The following RGS4 variants were observed in gnomAD, a reference collection of about 807,000 sequenced individuals.
RGS4 encodes the protein regulator of G protein signaling 4.
Under a neutral mutation model 21.6 loss-of-function variants are expected in RGS4, and 15 were observed. The observed-to-expected ratio is 0.69, with a 90% CI of 0.46 to 1.07. RGS4 has a LOEUF of 1.07. Among genes scored for constraint, RGS4 ranks in the 50% least tolerant of loss-of-function variants. The pLI is 0.00. For synonymous variants in RGS4, 94 were observed against 85.5 expected (o/e 1.10, Z -0.55); for missense variants, 237 against 239.0 (o/e 0.99, Z 0.06).
At chr1:163,070,944 G>C (rs1350363599) in intron 1 of RGS4, among the ~76,000 whole-genome samples, 1 of 152,100 alleles carries the variant, frequency 6.6e-6, no homozygotes, top group Non-Finnish European at 1.5e-5. Flanking sequence ...GGTGAGTTAG[G>C]ACCAAATCTA....
rs41271995 is a variant in RGS4 at position 163,074,991 on chromosome 1, T to C, written c.*431T>C. ...GTTTAGATGAGGTTGAGCTATGATATGTGCTTGTGTGTATGTCTATGTGTA... is the reference window on the plus strand; with the variant it reads ...GTTTAGATGAGGTTGAGCTATGATACGTGCTTGTGTGTATGTCTATGTGTA... On this transcript the variant is annotated 3_prime_UTR_variant, in exon 5 of 5. Transcript: ENST00000367909. 52 of 422,084 alleles carry C rather than the reference T, an allele frequency of 1.2e-4. No homozygotes were observed. Among genetic ancestry groups the C allele is most frequent in the Non-Finnish European group, 9.9e-5 (23 of 232,368 alleles). 26.1% of individuals were successfully genotyped at this position (422,084 alleles called of 1,614,324 possible). A position where few individuals can be genotyped will look rare whatever the true frequency, so the allele number is the denominator to read the frequency against.
chr1:163,068,913 C>A (rs774613513), upstream of RGS4: 7 of 1,517,134 alleles, frequency 4.6e-6, no homozygotes, highest in African/African-American at 8.2e-5. Flanking sequence ...TTTTGGAAAT[C>A]GTGAGGATCA....
chr1:163,069,686 T>C (rs955833628), intron 1 of RGS4, among the ~76,000 whole-genome samples, 158 bp downstream of exon 1: 6 of 152,178 alleles, frequency 3.9e-5, no homozygotes, highest in Non-Finnish European at 8.8e-5. Flanking sequence ...CTAGATATTG[T>C]GACTTAAGAC....
At chr1:163,068,934 C>T (rs1012525285), upstream of RGS4, 1 of 1,586,844 alleles carries the variant, frequency 6.3e-7, no homozygotes, top group African/African-American at 1.3e-5. Context: ...GATCTTGGAC[C>T]ATGTATAATA....
intron 4 of RGS4, chr1:163,073,837 T>A: frequency 2.1e-6 from 1 of 478,970 alleles, no homozygotes; most frequent in Non-Finnish European, 3.6e-6. Flanking sequence ...ATCACCCTAA[T>A]GTGCTATCAA....
intron 1 of RGS4, 119 bp from the exon 2 acceptor site, chr1:163,072,276 C>T (rs1655343811): frequency 4.5e-6 from 4 of 888,212 alleles, no homozygotes; most frequent in Admixed American, 3.0e-5. Flanking sequence ...CTCCAACTCC[C>T]GTTCCCTAAA....
chr1:163,073,041 A>G (rs952772858), intron 3 of RGS4, among the ~76,000 whole-genome samples, 175 bp downstream of exon 3: 1 of 152,200 alleles, frequency 6.6e-6, no homozygotes, highest in African/African-American at 2.4e-5. Context: ...GCTTTGTGAT[A>G]TACAATGAAA....
intron 1 of RGS4, chr1:163,072,142 A>T (rs1479421536): frequency 1.2e-5 from 14 of 1,166,492 alleles, no homozygotes; most frequent in Non-Finnish European, 1.5e-5. Context: ...CAGGTTTCTG[A>T]GGTAAACTGA....
At chr1:163,070,800 ACT>A (rs1655274902) in intron 1 of RGS4, 1 of 152,116 alleles carries the variant, frequency 6.6e-6, no homozygotes, top group African/African-American at 2.4e-5. Context: ...AAGGAGGTAA[ACT>A]CTATGTCAGC....
upstream of RGS4, chr1:163,069,274 C>T (rs557218166): frequency 1.1e-4 from 169 of 1,550,960 alleles, no homozygotes; most frequent in Middle Eastern, 3.4e-4. Context: ...CAGAGGGAGA[C>T]AGAGGAGCTG....
intron 1 of RGS4, among the ~76,000 whole-genome samples, chr1:163,069,930 T>C (rs1655248402): frequency 6.6e-6 from 1 of 152,126 alleles, no homozygotes; most frequent in Non-Finnish European, 1.5e-5. Context: ...ATGCTACAAC[T>C]TGTTTCAGGA....
rs1655505878 is a variant in RGS4, at chr1:163,076,488, T to C, written c.*1928T>C. 1 of 152,624 alleles carries C rather than the reference T, an allele frequency of 6.6e-6. No individual in the cohort carries two copies. The highest frequency in any genetic ancestry group is 1.9e-4 in the East Asian group (1 of 5,194). The allele number at this position is 152,624 out of a possible 1,614,324, so 9.5% of individuals were successfully genotyped here. ...TGTAACTTTATTGGTCTTGCCCTAT[T>C]ATAATTGTCATGACTTTCAGATTGT... On this transcript the variant is annotated 3_prime_UTR_variant, in exon 5 of 5. Transcript: ENST00000367909.
chr1:163,068,950 C>T (rs760811280), upstream of RGS4: 5 of 1,605,036 alleles, frequency 3.1e-6, no homozygotes, highest in Non-Finnish European at 4.3e-6. Context: ...TAATATGATG[C>T]TTCTAATCCA....
chr1:163,072,249 C>T, intron 1 of RGS4, 146 bp from the exon 2 acceptor site: 1 of 886,660 alleles, frequency 1.1e-6, no homozygotes, highest in Non-Finnish European at 1.6e-6. Flanking sequence ...TCTTGTTTTC[C>T]TCAGAGGTCA....
At chr1:163,071,909 TC>T in intron 1 of RGS4, 1 of 888,270 alleles carries the variant, frequency 1.1e-6, no homozygotes, top group Non-Finnish European at 1.3e-6. Context: ...ACTTTTACTT[TC>T]CCGAGGTGCT....
upstream of RGS4, chr1:163,069,222 C>T (rs888545666): frequency 5.9e-6 from 9 of 1,534,368 alleles, no homozygotes; most frequent in Middle Eastern, 3.9e-4. Flanking sequence ...ATTGCTGATG[C>T]GTCAGTCTTT....
In RGS4 at chr1:163,069,591, A is replaced by T. The variant is rs1379708807; in HGVS notation, c.44+63A>T. ...TGGCTAGACTTTCTCAGTTATTTAC[A>T]TGTTGTACTTACTAACCTAGTTCTG... On this transcript the variant is annotated intron_variant, in intron 1 of 4. Transcript: ENST00000367909. 6 of 1,363,386 alleles carry T rather than the reference A, an allele frequency of 4.4e-6. No individual in the cohort carries two copies. In the African/African-American group the frequency reaches 7.2e-5, roughly 16 times the overall value. The allele number at this position is 1,363,386 out of a possible 1,614,324, so 84.5% of individuals were successfully genotyped here. A position where few individuals can be genotyped will look rare whatever the true frequency, so the allele number is the denominator to read the frequency against.
Position 163,072,386 on chromosome 1 carries a change from T to C in RGS4, c.45-9T>C, listed in dbSNP as rs1247133225. ...TTACTATTTATTCATTTTTTTCTCT[T>C]CTGTGCAGTGCAAAAGATATGAAAC... On this transcript the variant is annotated splice_polypyrimidine_tract_variant and intron_variant, in intron 1 of 4. Transcript: ENST00000367909. The C allele has an allele frequency of 5.6e-6, 9 of 1,599,470 alleles. No individual in the cohort carries two copies. The highest frequency in any genetic ancestry group is 7.7e-6 in the Non-Finnish European group (9 of 1,167,558).
At chr1:163,072,961 C>G in intron 3 of RGS4, 95 bp downstream of exon 3, 1 of 1,052,868 alleles carries the variant, frequency 9.5e-7, no homozygotes, top group Non-Finnish European at 1.4e-6. Context: ...TGGCTTCTTT[C>G]TGATGTTCAG....
Sources: gnomAD v4.1 joint callset for allele counts (sites outside exome capture counted in the v4.1 genomes callset) on GRCh38, gnomAD v4.1.1 for gene constraint, MANE v1.5 for transcripts, NCBI Gene and HGNC (gene_info 2026-07-23, HGNC 2026-07-21) for gene names.